The following TMTC1 variants were observed in gnomAD, a reference collection of about 807,000 sequenced individuals.
TMTC1 encodes the protein protein O-mannosyl-transferase TMTC1.
In TMTC1, 73 loss-of-function variants were observed where a neutral mutation model predicts 104.8. That is an observed-to-expected ratio of 0.70 (90% CI 0.58 to 0.85). The LOEUF is 0.85. Among genes scored for constraint, TMTC1 ranks in the 40% least tolerant of loss-of-function variants. The pLI, the probability that TMTC1 is intolerant of heterozygous loss-of-function variation, is 0.00. For synonymous variants in TMTC1, 434 were observed against 428.7 expected (o/e 1.01, Z -0.15); for missense variants, 1,035 against 1,096.1 (o/e 0.94, Z 0.79).
At chr12:29,736,698 G>C (rs946680456) in intron 5 of TMTC1, among the ~76,000 whole-genome samples, 1 of 152,162 alleles carries the variant, frequency 6.6e-6, no homozygotes, top group Admixed American at 6.5e-5. Context: ...GATTACAGGC[G>C]TAAGCCACCA....
At chr12:29,571,528 T>C (rs1405713782) in intron 9 of TMTC1, among the ~76,000 whole-genome samples, 11 of 152,026 alleles carry the variant, frequency 7.2e-5, no homozygotes, top group African/African-American at 2.4e-4. Flanking sequence ...AGGATATGTA[T>C]AGTATTCTCT....
intron 10 of TMTC1, 134 bp downstream of exon 10, chr12:29,556,723 C>G: frequency 9.5e-7 from 1 of 1,052,648 alleles, no homozygotes; most frequent in Non-Finnish European, 1.4e-6. Context: ...CATGTTACAC[C>G]CTCCCAAAGT....
intron 8 of TMTC1, among the ~76,000 whole-genome samples, chr12:29,574,335 T>C (rs941487263): frequency 1.3e-5 from 2 of 152,280 alleles, no homozygotes; most frequent in African/African-American, 2.4e-5. Flanking sequence ...GAAATTAACC[T>C]TTCCCTATAC....
intron 5 of TMTC1, among the ~76,000 whole-genome samples, chr12:29,721,404 A>C (rs774497272): frequency 5.9e-5 from 9 of 152,210 alleles, no homozygotes; most frequent in Non-Finnish European, 1.3e-4. Flanking sequence ...TAACCCAAAG[A>C]AATCTAGCAT....
At chr12:29,699,267 A>G (rs908749881) in intron 5 of TMTC1, among the ~76,000 whole-genome samples, 1 of 152,198 alleles carries the variant, frequency 6.6e-6, no homozygotes, top group Non-Finnish European at 1.5e-5. Context: ...CTCATGCACA[A>G]TTCTTTTTCA....
At chr12:29,758,560 G>T in intron 3 of TMTC1, 144 bp downstream of exon 3, 1 of 819,876 alleles carries the variant, frequency 1.2e-6, no homozygotes, top group Non-Finnish European at 2.0e-6. Flanking sequence ...CACTGGACAA[G>T]CAGAGAGTTT....
chr12:29,520,540 G>C, intron 12 of TMTC1, 78 bp downstream of exon 12: 1 of 1,252,858 alleles, frequency 8.0e-7, no homozygotes, highest in Non-Finnish European at 1.2e-6. Flanking sequence ...TACTTCTGAG[G>C]ATTATTTGCC....
At chr12:29,607,120 CG>C (rs1565705516) in intron 6 of TMTC1, among the ~76,000 whole-genome samples, 1 of 152,200 alleles carries the variant, frequency 6.6e-6, no homozygotes, top group Admixed American at 6.5e-5. Flanking sequence ...CACAGGGCTG[CG>C]TGTTCATCTG....
At chr12:29,558,698 C>T (rs12820673) in intron 9 of TMTC1, among the ~76,000 whole-genome samples, 29,765 of 152,118 alleles carry the variant, frequency 0.2, 3,386 homozygotes, top group East Asian at 0.38. Flanking sequence ...CCAGCACACG[C>T]GCTGTTGTTT....
chr12:29,740,073 G>C (rs1296074685), intron 5 of TMTC1, among the ~76,000 whole-genome samples: 1 of 152,154 alleles, frequency 6.6e-6, no homozygotes, highest in Non-Finnish European at 1.5e-5. Flanking sequence ...CTGAAGTGCA[G>C]TGGTGTCATC....
At chr12:29,599,954 ATGTGTATATATATATGTG>A (rs1946512461) in intron 7 of TMTC1, among the ~76,000 whole-genome samples, 1 of 144,518 alleles carries the variant, frequency 6.9e-6, no homozygotes, top group African/African-American at 2.7e-5. Context: ...GTGTATATAT[ATGTGTATATATATATGTG>A]TGTGTGTGTG....
At chr12:29,570,231 T>C (rs1565677762) in intron 9 of TMTC1, among the ~76,000 whole-genome samples, 4 of 152,150 alleles carry the variant, frequency 2.6e-5, no homozygotes, top group African/African-American at 4.8e-5. Flanking sequence ...TGAAGGAATA[T>C]GCCTTTTAAA....
At chr12:29,583,821 AGGC>A (rs1946051655) in intron 7 of TMTC1, among the ~76,000 whole-genome samples, 1 of 151,736 alleles carries the variant, frequency 6.6e-6, no homozygotes, top group Non-Finnish European at 1.5e-5. Context: ...GTCATCTTGT[AGGC>A]TTAAAGTGCC....
chr12:29,599,128 C>T (rs79165812), intron 7 of TMTC1, among the ~76,000 whole-genome samples: 8,548 of 152,222 alleles, frequency 0.056, 803 homozygotes, highest in African/African-American at 0.19. Context: ...TTGAGAGCTA[C>T]CATCAACTAC....
At chr12:29,629,308 A>G (rs11050326) in intron 6 of TMTC1, among the ~76,000 whole-genome samples, 21,160 of 151,434 alleles carry the variant, frequency 0.14, 1,621 homozygotes, top group Middle Eastern at 0.18. Context: ...CAACAGAGAG[A>G]GACTCCGTCT....
intron 6 of TMTC1, among the ~76,000 whole-genome samples, chr12:29,613,071 C>T (rs768424456): frequency 6.6e-6 from 1 of 152,182 alleles, no homozygotes; most frequent in Non-Finnish European, 1.5e-5. Flanking sequence ...TAATATTCCA[C>T]TGTTTATGAT....
In TMTC1 at chr12:29,755,878, C is replaced by T; in HGVS notation, c.562G>A (p.Asp188Asn). The T allele has an allele frequency of 1.9e-6, 3 of 1,612,966 alleles. No homozygotes were observed. The South Asian group carries it at 3.3e-5, about 18-fold the overall frequency. The change falls in exon 4 of 18, where the codon GAT becomes AAT. Residue 188 changes from aspartate (D) to asparagine (N), a missense_variant. Asp to Asn is a conservative substitution (Grantham distance 23). Transcript: ENST00000539277. ...LAFLSYNRSLDQGCVGGSFPS... is the reference protein window; with the variant it reads ...LAFLSYNRSLNQGCVGGSFPS... ...AAACTTCCCCCAACACAGCCCTGATCCAGACTCCTGAAAAACAAGTTGGAG... is the reference window on the plus strand; with the variant it reads ...AAACTTCCCCCAACACAGCCCTGATTCAGACTCCTGAAAAACAAGTTGGAG...
At chr12:29,683,747 C>A (rs1379830423) in intron 5 of TMTC1, among the ~76,000 whole-genome samples, 1 of 151,966 alleles carries the variant, frequency 6.6e-6, no homozygotes, top group East Asian at 1.9e-4. Flanking sequence ...GCAAAGCTTG[C>A]AAATAGACTC....
chr12:29,649,097 C>G (rs4436627), intron 5 of TMTC1, among the ~76,000 whole-genome samples: 80 of 152,280 alleles, frequency 5.3e-4, no homozygotes, highest in African/African-American at 1.9e-3. Context: ...CCCCACCACT[C>G]TCCCCTTGGC....
Sources: gnomAD v4.1 joint callset for allele counts (sites outside exome capture counted in the v4.1 genomes callset) on GRCh38, gnomAD v4.1.1 for gene constraint, MANE v1.5 for transcripts, NCBI Gene and HGNC (gene_info 2026-07-23, HGNC 2026-07-21) for gene names.